BRINP2: variants seen among roughly 807,000 people sequenced by gnomAD.
The protein encoded by BRINP2 is BMP/retinoic acid inducible neural specific 2.
BRINP2 carries 21 observed loss-of-function variants against 69.2 expected under a neutral mutation model. The observed-to-expected ratio is 0.30, with a 90% confidence interval of 0.22 to 0.44. BRINP2 has a LOEUF of 0.44. BRINP2 is among the 20% of genes least tolerant of loss of function. The pLI, the probability that BRINP2 is intolerant of heterozygous loss-of-function variation, is 1.00. For synonymous variants in BRINP2, 380 were observed against 394.1 expected, an observed-to-expected ratio of 0.96 and a Z score of 0.42; for missense variants, 877 against 986.0, an observed-to-expected ratio of 0.89 and a Z score of 1.48.
intron 2 of BRINP2, 100 bp downstream of exon 2, chr1:177,230,245 C>A: frequency 7.6e-7 from 1 of 1,311,044 alleles, no homozygotes; most frequent in Non-Finnish European, 1.0e-6. Flanking sequence ...GGCTGGAATG[C>A]CCTCAAACTG....
chr1:177,187,567 C>CA (rs1648464054), intron 1 of BRINP2, among the ~76,000 whole-genome samples: 1 of 152,138 alleles, frequency 6.6e-6, no homozygotes, highest in Non-Finnish European at 1.5e-5. Context: ...TCTGGGGCTT[C>CA]ATATGAAGCC....
intron 1 of BRINP2, 53 bp from the exon 2 acceptor site, chr1:177,229,748 G>A: frequency 7.7e-7 from 1 of 1,297,120 alleles, no homozygotes; most frequent in Non-Finnish European, 1.0e-6. Context: ...GATGCTCACA[G>A]GCCCATGGGG....
At chr1:177,193,958 T>C (rs1270840529) in intron 1 of BRINP2, among the ~76,000 whole-genome samples, 2 of 152,230 alleles carry the variant, frequency 1.3e-5, no homozygotes, top group African/African-American at 4.8e-5. Flanking sequence ...GAAATAGTTA[T>C]CAAGAAAATT....
intron 5 of BRINP2, among the ~76,000 whole-genome samples, chr1:177,273,800 G>A (rs1651410939): frequency 6.6e-6 from 1 of 152,060 alleles, no homozygotes; most frequent in Non-Finnish European, 1.5e-5. Flanking sequence ...CTATACCCCA[G>A]ACCCATTGCT....
Position 177,256,899 on chromosome 1 carries a change from T to C in BRINP2, c.461-277T>C, listed in dbSNP as rs572029108. 1.1e-5 allele frequency: 14 copies of C among 1,258,344 alleles called. No homozygotes were observed. In the East Asian group the frequency reaches 4.7e-4, roughly 42 times the overall value. The allele number at this position is 1,258,344 out of a possible 1,614,324, so 77.9% of individuals were successfully genotyped here. A position where few individuals can be genotyped will look rare whatever the true frequency, so the allele number is the denominator to read the frequency against. On this transcript the variant is annotated intron_variant, in intron 3 of 7. Coordinates refer to ENST00000361539, the MANE Select transcript of BRINP2 (RefSeq NM_021165.4). ...ATTGTGTCTCCCCTATGAAGATGGA[T>C]TGCTTGAGACAGAGTTCAATAGAAG...
At chr1:177,205,308 AT>A (rs1220244569) in intron 1 of BRINP2, among the ~76,000 whole-genome samples, 1 of 151,930 alleles carries the variant, frequency 6.6e-6, no homozygotes, top group Admixed American at 6.6e-5. Flanking sequence ...GTCTGGCTAA[AT>A]TTTGTATTTT....
intron 1 of BRINP2, among the ~76,000 whole-genome samples, chr1:177,188,759 G>A (rs988730405): frequency 1.3e-5 from 2 of 152,136 alleles, no homozygotes; most frequent in Non-Finnish European, 2.9e-5. Flanking sequence ...TGACATTTAT[G>A]TTCATTCACA....
intron 3 of BRINP2, chr1:177,256,752 C>T (rs41267152): frequency 4.3e-5 from 47 of 1,087,760 alleles, no homozygotes; most frequent in Non-Finnish European, 4.9e-5. Context: ...GGCCAGCTGT[C>T]GGCACGCGGC....
At chr1:177,224,631 G>T (rs1649641480) in intron 1 of BRINP2, among the ~76,000 whole-genome samples, 1 of 151,508 alleles carries the variant, frequency 6.6e-6, no homozygotes, top group African/African-American at 2.4e-5. Flanking sequence ...AACTGATGCT[G>T]TGAGGTATAA....
At chr1:177,238,803 T>G (rs958356562) in intron 2 of BRINP2, among the ~76,000 whole-genome samples, 2 of 152,244 alleles carry the variant, frequency 1.3e-5, no homozygotes, top group African/African-American at 2.4e-5. Context: ...CTATGAGATA[T>G]TAATGACATT....
chr1:177,217,976 G>A (rs1649425868), intron 1 of BRINP2, among the ~76,000 whole-genome samples: 1 of 152,202 alleles, frequency 6.6e-6, no homozygotes, highest in African/African-American at 2.4e-5. Flanking sequence ...AGTTAAGTAG[G>A]TTGGGATGAA....
chr1:177,247,399 C>T (rs752987206), intron 2 of BRINP2, among the ~76,000 whole-genome samples: 18 of 152,160 alleles, frequency 1.2e-4, no homozygotes, highest in Admixed American at 2.0e-4. Context: ...TCCCATGGGT[C>T]ATTGGTTGAC....
chr1:177,245,915 C>T (rs1357430179), intron 2 of BRINP2, among the ~76,000 whole-genome samples: 2 of 152,150 alleles, frequency 1.3e-5, no homozygotes, highest in Admixed American at 6.5e-5. Flanking sequence ...CTTAATTAAA[C>T]TGTTTGAAAG....
At chr1:177,251,597 A>T (rs1408168603) in intron 2 of BRINP2, among the ~76,000 whole-genome samples, 1 of 152,150 alleles carries the variant, frequency 6.6e-6, no homozygotes, top group Non-Finnish European at 1.5e-5. Context: ...TGCTGTTAAT[A>T]GCATAGAAGG....
chr1:177,228,414 C>G (rs1021700842), intron 1 of BRINP2, among the ~76,000 whole-genome samples: 1 of 152,126 alleles, frequency 6.6e-6, no homozygotes, highest in Non-Finnish European at 1.5e-5. Flanking sequence ...CACACTGATC[C>G]GATGGAAGTC....
At chr1:177,220,075 T>C (rs1649480257) in intron 1 of BRINP2, among the ~76,000 whole-genome samples, 1 of 152,196 alleles carries the variant, frequency 6.6e-6, no homozygotes, top group Non-Finnish European at 1.5e-5. Flanking sequence ...AATGGTTTGA[T>C]TCAGGCAATC....
At chr1:177,194,250 A>G (rs1248249360) in intron 1 of BRINP2, among the ~76,000 whole-genome samples, 1 of 152,224 alleles carries the variant, frequency 6.6e-6, no homozygotes, top group Non-Finnish European at 1.5e-5. Flanking sequence ...AGCAACTTGT[A>G]GGAAAACAAA....
In BRINP2 at chr1:177,281,843, A is replaced by G. The variant is rs1357039985; in HGVS notation, c.*315A>G. On this transcript the variant is annotated 3_prime_UTR_variant, in exon 8 of 8. Transcript: ENST00000361539. ...GAAAGGAGCCAAGGAAGAGATTAAG[A>G]AAAAGAACCAGCTGAACCATGAAAC... is the stretch of plus-strand genomic sequence containing the variant. 8.4e-6 allele frequency: 2 copies of G among 239,146 alleles called. No individual in the cohort carries two copies. The highest frequency in any genetic ancestry group is 4.5e-5 in the African/African-American group (2 of 44,436). 14.8% of individuals were successfully genotyped at this position (239,146 alleles called of 1,614,324 possible). A position where few individuals can be genotyped will look rare whatever the true frequency, so the allele number is the denominator to read the frequency against.
rs925053111 is a variant in BRINP2, at chr1:177,282,416, T to C, written c.*888T>C. 1 of 152,026 alleles carries C rather than the reference T, an allele frequency of 6.6e-6. No individual in the cohort carries two copies. Among genetic ancestry groups the C allele is most frequent in the East Asian group, 1.9e-4 (1 of 5,198 alleles). The allele number at this position is 152,026 out of a possible 1,614,324, so 9.4% of individuals were successfully genotyped here. A position where few individuals can be genotyped will look rare whatever the true frequency, so the allele number is the denominator to read the frequency against. The stretch of plus-strand genomic sequence containing the variant: ...CATCTAAGTAAACATTTATCTGGTT[T>C]AATATATTTTTGGAAAAGGCCTTTT... On this transcript the variant is annotated 3_prime_UTR_variant, in exon 8 of 8. Transcript: ENST00000361539.
Sources: allele counts gnomAD v4.1 joint callset (sites outside exome capture counted in the v4.1 genomes callset), GRCh38; gene constraint gnomAD v4.1.1; transcripts MANE v1.5; gene names NCBI Gene and HGNC (gene_info 2026-07-23, HGNC 2026-07-21).